Variants in NAALADL2 observed in about 807,000 individuals in gnomAD.
NAALADL2 encodes the protein inactive N-acetylated-alpha-linked acidic dipeptidase-like protein 2.
NAALADL2 carries 76 observed loss-of-function variants against 87.2 expected under a neutral mutation model. The observed-to-expected ratio is 0.87, with a 90% CI of 0.72 to 1.05. NAALADL2 has a LOEUF of 1.05. NAALADL2 is among the 50% of genes least tolerant of loss of function. NAALADL2 has a pLI of 0.00. For synonymous variants in NAALADL2, 354 were observed against 331.0 expected, an observed-to-expected ratio of 1.07 and a Z score of -0.75; for missense variants, 1,089 against 945.8, an observed-to-expected ratio of 1.15 and a Z score of -1.99.
At chr3:175,069,860 T>C (rs1420897808) in intron 1 of NAALADL2, among the ~76,000 whole-genome samples, 1 of 148,700 alleles carries the variant, frequency 6.7e-6, no homozygotes, top group Non-Finnish European at 1.5e-5. Context: ...ATGTCCTTTG[T>C]AGGGACATGG....
chr3:174,901,587 C>A (rs1045462183), intron 1 of NAALADL2, among the ~76,000 whole-genome samples: 2 of 152,140 alleles, frequency 1.3e-5, no homozygotes, highest in African/African-American at 4.8e-5. Flanking sequence ...GCCTCAAGAT[C>A]TTCTTGTAAA....
At chr3:175,446,011 A>G (rs1473804955) in intron 5 of NAALADL2, among the ~76,000 whole-genome samples, 2 of 152,168 alleles carry the variant, frequency 1.3e-5, no homozygotes, top group East Asian at 3.9e-4. Context: ...AATTAAGTTG[A>G]TTTGAAGTTC....
chr3:175,004,854 GCAAATATTC>G (rs577927302), intron 1 of NAALADL2, among the ~76,000 whole-genome samples: 22 of 149,816 alleles, frequency 1.5e-4, no homozygotes, highest in African/African-American at 5.0e-4. Flanking sequence ...TTGTGTATAT[GCAAATATTC>G]CAAAATCAAA....
At chr3:174,885,029 G>A (rs1729906726) in intron 1 of NAALADL2, among the ~76,000 whole-genome samples, 1 of 152,168 alleles carries the variant, frequency 6.6e-6, no homozygotes, top group Non-Finnish European at 1.5e-5. Context: ...GCATGAGTCA[G>A]GGAGGGGATG....
chr3:174,714,042 A>G (rs1730944639), intron 2 of NAALADL2, among the ~76,000 whole-genome samples: 1 of 152,146 alleles, frequency 6.6e-6, no homozygotes, highest in South Asian at 2.1e-4. Context: ...TCCCAGCACC[A>G]TTTATTAAAT....
At chr3:174,472,340 C>G (rs1716957339) in intron 1 of NAALADL2, among the ~76,000 whole-genome samples, 1 of 152,186 alleles carries the variant, frequency 6.6e-6, no homozygotes, top group Non-Finnish European at 1.5e-5. Context: ...ATTCATTCAG[C>G]AAGCATTTAT....
At chr3:174,973,723 G>A (rs1744003986) in intron 1 of NAALADL2, among the ~76,000 whole-genome samples, 1 of 152,106 alleles carries the variant, frequency 6.6e-6, no homozygotes, top group Non-Finnish European at 1.5e-5. Context: ...TCCTCCTGTG[G>A]TACAGACCTG....
intron 2 of NAALADL2, among the ~76,000 whole-genome samples, chr3:175,233,701 G>A (rs1037860370): frequency 8.5e-5 from 13 of 152,082 alleles, no homozygotes; most frequent in African/African-American, 3.1e-4. Context: ...GCATCCTAAA[G>A]TTCTGGGATC....
chr3:175,491,379 G>C (rs16825830), intron 9 of NAALADL2, among the ~76,000 whole-genome samples: 18,141 of 151,502 alleles, frequency 0.12, 1,353 homozygotes, highest in African/African-American at 0.2. Flanking sequence ...TTCAATCTGT[G>C]TATTTGTCTT....
chr3:174,471,413 A>C (rs1486219209), intron 1 of NAALADL2, among the ~76,000 whole-genome samples: 1 of 152,108 alleles, frequency 6.6e-6, no homozygotes. Context: ...TAGAATCCTC[A>C]CGCATGGTAC....
chr3:174,867,354 A>G (rs1239303223), intron 1 of NAALADL2, among the ~76,000 whole-genome samples: 3 of 152,134 alleles, frequency 2.0e-5, no homozygotes, highest in African/African-American at 7.2e-5. Flanking sequence ...ATCAGTTATC[A>G]GATTAAATAT....
At position 175,725,919 on chromosome 3, in the gene NAALADL2, A is replaced by C. The variant is rs1742859215; in HGVS notation, c.1897-11387A>C. Among the ~76,000 whole-genome samples the C allele has an allele frequency of 2.0e-5, 3 of 152,188 alleles. No individual in the cohort carries two copies. In the South Asian group the frequency reaches 6.2e-4, roughly 32 times the overall value. The stretch of plus-strand genomic sequence containing the variant: ...TATTGATATCATGTTAAAGATAGTT[A>C]TTAGTGAAATATAATGAAGATTCTT... On this transcript the variant is annotated intron_variant, in intron 11 of 13. Coordinates refer to ENST00000454872, the MANE Select transcript of NAALADL2 (RefSeq NM_207015.3).
At chr3:174,452,702 G>A (rs1370408396) in intron 1 of NAALADL2, among the ~76,000 whole-genome samples, 1 of 151,566 alleles carries the variant, frequency 6.6e-6, no homozygotes, top group Non-Finnish European at 1.5e-5. Flanking sequence ...AGCCAAACCA[G>A]TTGACTGAAT....
chr3:174,520,431 G>T (rs978828509), intron 1 of NAALADL2, among the ~76,000 whole-genome samples: 19 of 152,196 alleles, frequency 1.2e-4, no homozygotes, highest in African/African-American at 4.6e-4. Flanking sequence ...ACTGATCTTT[G>T]ATAAAGTTGA....
At chr3:174,666,830 C>T (rs1021519396) in intron 2 of NAALADL2, among the ~76,000 whole-genome samples, 1 of 152,150 alleles carries the variant, frequency 6.6e-6, no homozygotes, top group Non-Finnish European at 1.5e-5. Context: ...TGAACAACAA[C>T]TTTCATTTTC....
Position 174,762,488 on chromosome 3 carries a change from G to A in NAALADL2, c.-9+24742G>A, listed in dbSNP as rs369279294. ...TACTTGTTACCATGTTCCGTATAAAGCAAAACTTTACATTAAACATTTGAT... is the reference window on the plus strand; with the variant it reads ...TACTTGTTACCATGTTCCGTATAAAACAAAACTTTACATTAAACATTTGAT... On this transcript the variant is annotated intron_variant, in intron 3 of 3. Coordinates refer to the NAALADL2 transcript ENST00000434257. Among the ~76,000 whole-genome samples, 100 of 149,458 alleles carry A rather than the reference G, an allele frequency of 6.7e-4. 2 individuals are homozygous for A. Among genetic ancestry groups the A allele is most frequent in the African/African-American group, 2.3e-3 (94 of 40,360 alleles).
intron 1 of NAALADL2, among the ~76,000 whole-genome samples, chr3:174,904,176 A>G (rs1732688419): frequency 6.6e-6 from 1 of 151,746 alleles, no homozygotes; most frequent in African/African-American, 2.4e-5. Context: ...GGGATCAGTA[A>G]GGGGCCAATC....
At chr3:175,489,862 GAAGT>G (rs1582103137) in intron 9 of NAALADL2, among the ~76,000 whole-genome samples, 1 of 152,144 alleles carries the variant, frequency 6.6e-6, no homozygotes, top group Non-Finnish European at 1.5e-5. Flanking sequence ...ACTGTAAGTA[GAAGT>G]AATAGTCTCT....
At chr3:175,336,095 T>C (rs61301398) in intron 5 of NAALADL2, among the ~76,000 whole-genome samples, 23,695 of 151,748 alleles carry the variant, frequency 0.16, 2,447 homozygotes, top group East Asian at 0.49. Flanking sequence ...TCCTTTTGGG[T>C]ACAGGGCCTC....
Sources: gnomAD v4.1 joint callset for allele counts (sites outside exome capture counted in the v4.1 genomes callset) on GRCh38, gnomAD v4.1.1 for gene constraint, MANE v1.5 for transcripts, NCBI Gene and HGNC (gene_info 2026-07-23, HGNC 2026-07-21) for gene names.